ADNP: variants seen among roughly 807,000 people sequenced by gnomAD.
The protein encoded by ADNP is activity dependent neuroprotector homeobox.
ADNP carries 4 observed loss-of-function variants against 84.9 expected under a neutral mutation model. The observed-to-expected ratio is 0.05, with a 90% CI of 0.02 to 0.11. ADNP has a LOEUF of 0.11. Ranked by LOEUF, ADNP falls within the 10% of genes least tolerant of loss-of-function variation. The pLI is 1.00. For synonymous variants in ADNP, 554 were observed against 468.1 expected (o/e 1.18, Z -2.37); for missense variants, 1,132 against 1,326.0 (o/e 0.85, Z 2.27).
At chr20:50,912,178 A>G (rs564287023) in intron 2 of ADNP, among the ~76,000 whole-genome samples, 1 of 152,222 alleles carries the variant, frequency 6.6e-6, no homozygotes, top group South Asian at 2.1e-4. Flanking sequence ...ATTTTTTTTG[A>G]GACGGAGTCT....
chr20:50,912,211 A>T (rs931913138), intron 2 of ADNP, among the ~76,000 whole-genome samples: 1 of 152,106 alleles, frequency 6.6e-6, no homozygotes, highest in Non-Finnish European at 1.5e-5. Context: ...CAGTGGCATA[A>T]TCTCAGCTCA....
chr20:50,907,266 C>G (rs1051607688), intron 2 of ADNP, among the ~76,000 whole-genome samples: 3 of 132,328 alleles, frequency 2.3e-5, no homozygotes, highest in Non-Finnish European at 4.9e-5. Context: ...CCACCGCGCC[C>G]GGCATTTTTT....
rs1224644104 is a variant in ADNP, at chr20:50,890,982, A to G, written c.*423T>C. 3.0e-6 allele frequency: 3 copies of G among 994,710 alleles called. No homozygotes were observed. Among genetic ancestry groups the G allele is most frequent in the Non-Finnish European group, 3.6e-6 (3 of 836,748 alleles). The allele number at this position is 994,710 out of a possible 1,614,324, so 61.6% of individuals were successfully genotyped here. A position where few individuals can be genotyped will look rare whatever the true frequency, so the allele number is the denominator to read the frequency against. On this transcript the variant is annotated 3_prime_UTR_variant, in exon 6 of 6. Coordinates refer to ENST00000621696, the MANE Select transcript of ADNP (RefSeq NM_001282531.3). ...TCAACTATTCAGAATGAATACATGA[A>G]AAAAAATCGCTTTTCCCAAAGTCTA...
chr20:50,893,855 T>C lies in ADNP; in HGVS notation c.859A>G (p.Ile287Val), dbSNP rs779312511. Reference sequence around the variant, plus strand: ...ACATTTCCAGAAGCAAGGGAACCGATCCTTGGTGGGAGTCCCATGCTCTTC... The same window carrying C: ...ACATTTCCAGAAGCAAGGGAACCGACCCTTGGTGGGAGTCCCATGCTCTTC... Reference protein sequence around the residue: ...DKKSMGLPPRIGSLASGNVRS... With the variant: ...DKKSMGLPPRVGSLASGNVRS... Residue 287 changes from isoleucine to valine, a missense_variant, in exon 6 of 6, where the codon ATC becomes GTC. Around this residue, in one of 10 missense-constraint regions of ADNP, gnomAD observed 239 missense variants for 213.2 expected, o/e 1.12. Transcript: ENST00000621696. This position sits in a 1 kb window ranked among gnomAD's most constrained non-coding sequence, Gnocchi z 4.4. 3.1e-6 allele frequency: 5 copies of C among 1,614,112 alleles called. No individual in the cohort carries two copies. In the African/African-American group the frequency reaches 6.7e-5, roughly 22 times the overall value.
At chr20:50,915,643 A>C (rs1568737121) in intron 2 of ADNP, among the ~76,000 whole-genome samples, 2 of 152,156 alleles carry the variant, frequency 1.3e-5, no homozygotes, top group African/African-American at 4.8e-5. Flanking sequence ...CCAATCCACA[A>C]AACACGTAAT....
At chr20:50,911,387 G>C (rs1050322246) in intron 2 of ADNP, among the ~76,000 whole-genome samples, 1 of 152,146 alleles carries the variant, frequency 6.6e-6, no homozygotes, top group African/African-American at 2.4e-5. Flanking sequence ...GTGAGAGATA[G>C]GGGTCTAGTT....
At chr20:50,914,070 CA>C in intron 2 of ADNP, 4 of 738,572 alleles carry the variant, frequency 5.4e-6, no homozygotes, top group Non-Finnish European at 7.5e-6. Context: ...ATGCAGCTTC[CA>C]AAAACAGGCA....
In ADNP at chr20:50,891,167, A is replaced by G. The variant is rs992414559; in HGVS notation, c.*238T>C. ...CTGCTTTTCCTCGTGTGTATTCATG[A>G]GTCACCAGCTTATTGGTTTTTCACA... On this transcript the variant is annotated 3_prime_UTR_variant, in exon 6 of 6. Coordinates refer to ENST00000621696, the MANE Select transcript of ADNP (RefSeq NM_001282531.3). 56 of 1,291,748 alleles carry G rather than the reference A, an allele frequency of 4.3e-5. No individual in the cohort carries two copies. Among genetic ancestry groups the G allele is most frequent in the Non-Finnish European group, 5.4e-5 (55 of 1,023,328 alleles). 80.0% of individuals were successfully genotyped at this position (1,291,748 alleles called of 1,614,324 possible).
intron 2 of ADNP, among the ~76,000 whole-genome samples, chr20:50,907,411 C>T (rs1394341882): frequency 6.6e-6 from 1 of 152,026 alleles, no homozygotes; most frequent in Non-Finnish European, 1.5e-5. Flanking sequence ...GGACTACAGG[C>T]GCGTACCACC....
At chr20:50,927,468 C>G (rs989902818) in intron 2 of ADNP, among the ~76,000 whole-genome samples, 3 of 152,164 alleles carry the variant, frequency 2.0e-5, no homozygotes, top group Non-Finnish European at 4.4e-5. Context: ...TACCCATTCC[C>G]CACACTCTAG....
Position 50,892,644 on chromosome 20 carries a change from A to G in ADNP, c.2070T>C (p.Val690=). 1 of 1,614,208 alleles carries G rather than the reference A, an allele frequency of 6.2e-7. No individual in the cohort carries two copies. Among genetic ancestry groups the G allele is most frequent in the Non-Finnish European group, 8.5e-7 (1 of 1,180,040 alleles). Residue 690 remains valine, a synonymous_variant, in exon 6 of 6, where the codon GTT becomes GTC. Transcript: ENST00000621696. The part of the protein sequence containing the change: ...ITLHLVHCRG[V]GKTQNGQDKT... ...TATCCTGGCCATTTTGGGTCTTTCC[A>G]ACGCCCCTGCAGTGAACTAGATGCA...
chr20:50,908,807 C>G (rs1020806129), intron 2 of ADNP, among the ~76,000 whole-genome samples: 4 of 151,870 alleles, frequency 2.6e-5, no homozygotes, highest in African/African-American at 7.3e-5. Flanking sequence ...CTATTTGATT[C>G]TCCTTTATAA....
intron 2 of ADNP, among the ~76,000 whole-genome samples, chr20:50,912,242 G>C (rs924561050): frequency 6.6e-6 from 1 of 152,104 alleles, no homozygotes; most frequent in African/African-American, 2.4e-5. Context: ...TGCCTCCCAG[G>C]TTCCAGCGAT....
chr20:50,894,918 A>G (rs931741261), intron 5 of ADNP, among the ~76,000 whole-genome samples: 3 of 152,172 alleles, frequency 2.0e-5, no homozygotes, highest in African/African-American at 4.8e-5. Flanking sequence ...TGATTTTAGT[A>G]TGTTTTCCCC....
intron 2 of ADNP, among the ~76,000 whole-genome samples, chr20:50,920,137 C>T (rs551343247): frequency 6.8e-5 from 10 of 147,994 alleles, no homozygotes; most frequent in African/African-American, 2.3e-4. Flanking sequence ...ATTAGCCGGG[C>T]GTGGTGGTGT....
At chr20:50,902,324 T>C (rs1386678609) in intron 4 of ADNP, among the ~76,000 whole-genome samples, 4 of 152,140 alleles carry the variant, frequency 2.6e-5, no homozygotes, top group Admixed American at 6.5e-5. Flanking sequence ...TTCCTGATGG[T>C]CAGTCAGGTT....
At chr20:50,896,264 G>A (rs1165791461) in intron 5 of ADNP, among the ~76,000 whole-genome samples, 1 of 151,740 alleles carries the variant, frequency 6.6e-6, no homozygotes, top group African/African-American at 2.4e-5. Context: ...ACATTGTACA[G>A]CCGTACAAAA....
chr20:50,915,657 G>C (rs1296584043), intron 2 of ADNP, among the ~76,000 whole-genome samples: 4 of 152,078 alleles, frequency 2.6e-5, no homozygotes, highest in Non-Finnish European at 5.9e-5. Context: ...ACGTAATTCT[G>C]ACTATCCAGG....
intron 2 of ADNP, among the ~76,000 whole-genome samples, chr20:50,923,140 G>A (rs1984067592): frequency 6.6e-6 from 1 of 152,182 alleles, no homozygotes; most frequent in African/African-American, 2.4e-5. Flanking sequence ...CGTGGTGGAT[G>A]AAAACCAGTA....
Sources: allele counts gnomAD v4.1 joint callset (sites outside exome capture counted in the v4.1 genomes callset), GRCh38; gene constraint gnomAD v4.1.1; regional missense constraint gnomAD v4.1.1; non-coding constraint Gnocchi (gnomAD v3.1); transcripts MANE v1.5; gene names NCBI Gene and HGNC (gene_info 2026-07-23, HGNC 2026-07-21).